GRIK2: variants seen among roughly 807,000 people sequenced by gnomAD.
The protein encoded by GRIK2 is glutamate receptor ionotropic, kainate 2.
In GRIK2, 32 loss-of-function variants were observed where a neutral mutation model predicts 100.3. The observed-to-expected ratio is 0.32, with a 90% CI of 0.24 to 0.43. GRIK2 has a LOEUF of 0.43. Ranked by LOEUF, GRIK2 falls within the 20% of genes least tolerant of loss-of-function variation. GRIK2 has a pLI of 1.00. For synonymous variants in GRIK2, 417 were observed against 389.4 expected (o/e 1.07, Z -0.83); for missense variants, 843 against 1,114.9 (o/e 0.76, Z 3.47).
At chr6:101,412,527 A>G (rs1228981159) in intron 2 of GRIK2, among the ~76,000 whole-genome samples, 5 of 152,060 alleles carry the variant, frequency 3.3e-5, no homozygotes, top group South Asian at 2.1e-4. Context: ...AAATTTTAAG[A>G]TAAATATTGA....
intron 4 of GRIK2, among the ~76,000 whole-genome samples, chr6:101,628,110 A>AT (rs2128319253): frequency 6.6e-6 from 1 of 152,226 alleles, no homozygotes; most frequent in Admixed American, 6.5e-5. Flanking sequence ...TTTCATTTGA[A>AT]TTTAAATTCT....
rs1266950715 is a variant in GRIK2 at position 102,066,648 on chromosome 6, AC to A, written c.2563-1697del. Among the ~76,000 whole-genome samples, 6 of 151,500 alleles carry A rather than the reference AC, an allele frequency of 4.0e-5. No individual in the cohort carries two copies. The East Asian group carries it at 1.2e-3, about 29-fold the overall frequency. ...AAGGAAAAATATTAATGGAAGTCCC[AC>A]CAATAAAGGGAGTGTGAGGAGAAAG... On this transcript the variant is annotated intron_variant, in intron 16 of 16. Coordinates refer to ENST00000369134, the MANE Select transcript of GRIK2 (RefSeq NM_021956.5).
chr6:101,733,450 T>C (rs893114870), intron 7 of GRIK2, among the ~76,000 whole-genome samples: 1 of 152,184 alleles, frequency 6.6e-6, no homozygotes, highest in African/African-American at 2.4e-5. Context: ...CTGTCTTTTT[T>C]ACTATGTTCC....
intron 2 of GRIK2, among the ~76,000 whole-genome samples, chr6:101,620,674 G>T (rs1325599065): frequency 2.0e-5 from 3 of 152,168 alleles, no homozygotes; most frequent in Non-Finnish European, 4.4e-5. Context: ...ATTTATGAAT[G>T]ACTGTACGGG....
chr6:101,508,717 C>T (rs1452733512), intron 2 of GRIK2, among the ~76,000 whole-genome samples: 1 of 152,100 alleles, frequency 6.6e-6, no homozygotes, highest in East Asian at 1.9e-4. Flanking sequence ...TAATCCTTCT[C>T]CTTCCTAGGA....
In GRIK2 at chr6:101,686,830, A is replaced by G. The variant is rs189099536; in HGVS notation, c.951+477A>G. On this transcript the variant is annotated intron_variant, in intron 7 of 16. Coordinates refer to ENST00000369134, the MANE Select transcript of GRIK2 (RefSeq NM_021956.5). Reference sequence around the variant, plus strand: ...AGGCTGAAGACTAATCAATAATCACATTTGTCATTTTCAAGTCCCAGTTTA... The same window carrying G: ...AGGCTGAAGACTAATCAATAATCACGTTTGTCATTTTCAAGTCCCAGTTTA... Among the ~76,000 whole-genome samples the G allele has an allele frequency of 1.2e-3, 177 of 152,136 alleles. 1 individual carries two copies. The highest frequency in any genetic ancestry group is 4.1e-3 in the African/African-American group (171 of 41,552).
intron 14 of GRIK2, among the ~76,000 whole-genome samples, chr6:102,002,604 AT>A (rs1285138189): frequency 6.6e-6 from 1 of 150,620 alleles, no homozygotes; most frequent in Non-Finnish European, 1.5e-5. Flanking sequence ...TACAAGGTCT[AT>A]TTTTGTTAAG....
Position 101,650,610 on chromosome 6 carries a change from C to A in GRIK2, c.541+23973C>A, listed in dbSNP as rs180878209. On this transcript the variant is annotated intron_variant, in intron 4 of 16. Coordinates refer to ENST00000369134, the MANE Select transcript of GRIK2 (RefSeq NM_021956.5). ...CAGGGTCTCTTTGAGGAGACTCCAG[C>A]CTGAACCTCCCATTATCTGCCCTCC... Among the ~76,000 whole-genome samples the A allele has an allele frequency of 3.8e-3, 574 of 152,234 alleles. 3 individuals are homozygous for A. The highest frequency in any genetic ancestry group is 0.013 in the African/African-American group (553 of 41,562).
rs200709565 is a variant in GRIK2, at chr6:101,473,892, AT to A, written c.115+74502del. Among the ~76,000 whole-genome samples the A allele has an allele frequency of 4.0e-3, 609 of 152,054 alleles. 3 individuals are homozygous for A. The highest frequency in any genetic ancestry group is 0.014 in the African/African-American group (577 of 41,556). On this transcript the variant is annotated intron_variant, in intron 2 of 16. Coordinates refer to ENST00000369134, the MANE Select transcript of GRIK2 (RefSeq NM_021956.5). ...TTTTGTGCTATTTTACACATTGCAA[AT>A]TAAACTCATGTAAAATTTTGTGGGA...
intron 2 of GRIK2, among the ~76,000 whole-genome samples, chr6:101,411,655 GA>G (rs1338969385): frequency 6.6e-6 from 1 of 152,068 alleles, no homozygotes; most frequent in African/African-American, 2.4e-5. Flanking sequence ...TCTAGATGAT[GA>G]AAAACAATGA....
intron 4 of GRIK2, among the ~76,000 whole-genome samples, chr6:101,655,655 T>G (rs1411659909): frequency 1.3e-5 from 2 of 152,236 alleles, no homozygotes; most frequent in African/African-American, 4.8e-5. Flanking sequence ...TATTTTTATT[T>G]TCTTTTTAAA....
chr6:102,024,590 AAG>A (rs1421917748), intron 14 of GRIK2, among the ~76,000 whole-genome samples: 2 of 151,342 alleles, frequency 1.3e-5, no homozygotes, highest in Admixed American at 6.6e-5. Context: ...GCTTCCTTTC[AAG>A]AGGAGTGTGG....
chr6:101,587,922 G>A (rs1357402749), intron 2 of GRIK2, among the ~76,000 whole-genome samples: 1 of 152,096 alleles, frequency 6.6e-6, no homozygotes, highest in African/African-American at 2.4e-5. Context: ...TGACACATGA[G>A]CAAGGGTGAA....
rs1163558120 is a variant in GRIK2 at position 101,523,720 on chromosome 6, C to CTTTTTTTTTTTT, written c.116-98221_116-98210dup. ...AAATAGAACATAATGACTCCTAAGTCTTTTTTTTTTTTTTTTTTTGATGGA... is the reference window on the plus strand; with the variant it reads ...AAATAGAACATAATGACTCCTAAGTCTTTTTTTTTTTTTTTTTTTTTTTTTTTTTTTGATGGA... On this transcript the variant is annotated intron_variant, in intron 2 of 16. Transcript: ENST00000369134. 2.8e-3 allele frequency among the ~76,000 whole-genome samples: 342 copies of CTTTTTTTTTTTT among 121,508 alleles called. 7 individuals carry two copies. The highest frequency in any genetic ancestry group is 8.5e-3 in the African/African-American group (286 of 33,584). The allele number at this position is 121,508 out of a possible 152,430, so 79.7% of individuals were successfully genotyped here. A position where few individuals can be genotyped will look rare whatever the true frequency, so the allele number is the denominator to read the frequency against.
At chr6:101,829,053 A>G (rs992886982) in intron 10 of GRIK2, among the ~76,000 whole-genome samples, 2 of 151,972 alleles carry the variant, frequency 1.3e-5, no homozygotes, top group African/African-American at 4.8e-5. Context: ...ACATGAAAAC[A>G]TTAGTTCAAC....
intron 2 of GRIK2, among the ~76,000 whole-genome samples, chr6:101,602,314 T>G (rs2128310528): frequency 6.6e-6 from 1 of 151,572 alleles, no homozygotes; most frequent in East Asian, 2.0e-4. Flanking sequence ...TTCCAATTTT[T>G]TTCGAATTTA....
chr6:101,874,474 G>A (rs1376930410), intron 11 of GRIK2, among the ~76,000 whole-genome samples: 2 of 152,134 alleles, frequency 1.3e-5, no homozygotes, highest in Non-Finnish European at 2.9e-5. Context: ...TTTGGTACCA[G>A]TACCATGCTG....
At chr6:101,569,749 G>T (rs1467773945) in intron 2 of GRIK2, among the ~76,000 whole-genome samples, 1 of 152,012 alleles carries the variant, frequency 6.6e-6, no homozygotes, top group East Asian at 1.9e-4. Flanking sequence ...ATTAATTAGA[G>T]TACATCTTTA....
intron 11 of GRIK2, among the ~76,000 whole-genome samples, chr6:101,881,834 C>G (rs1786269668): frequency 6.6e-6 from 1 of 152,028 alleles, no homozygotes; most frequent in South Asian, 2.1e-4. Flanking sequence ...CCCTGGGTGA[C>G]AGAGCAAGAC....
Sources: allele counts gnomAD v4.1 joint callset (sites outside exome capture counted in the v4.1 genomes callset), GRCh38; gene constraint gnomAD v4.1.1; transcripts MANE v1.5; gene names NCBI Gene and HGNC (gene_info 2026-07-23, HGNC 2026-07-21).